The following TAFA2 variants were observed in gnomAD, a reference collection of about 807,000 sequenced individuals.
TAFA2 encodes the protein chemokine-like protein TAFA-2.
TAFA2 carries 7 observed loss-of-function variants against 18.8 expected under a neutral mutation model. That is an observed-to-expected ratio of 0.37 (90% CI 0.21 to 0.70). TAFA2 has a LOEUF of 0.70. Ranked by LOEUF, TAFA2 falls within the 30% of genes least tolerant of loss-of-function variation. The probability of loss-of-function intolerance (pLI) is 0.53; values close to 1 mark genes in which losing one functional copy is unlikely to be tolerated. For synonymous variants in TAFA2, 60 were observed against 54.2 expected (o/e 1.11, Z -0.47); for missense variants, 122 against 158.1 (o/e 0.77, Z 1.23).
chr12:61,835,649 T>A (rs1872890304), intron 2 of TAFA2, among the ~76,000 whole-genome samples: 2 of 152,014 alleles, frequency 1.3e-5, no homozygotes, highest in South Asian at 4.1e-4. Flanking sequence ...TTTGCTTCAA[T>A]GAACAATCAT....
At chr12:62,068,690 T>A (rs1241836858) in intron 1 of TAFA2, among the ~76,000 whole-genome samples, 1 of 152,148 alleles carries the variant, frequency 6.6e-6, no homozygotes, top group Non-Finnish European at 1.5e-5. Flanking sequence ...AAAACCAATT[T>A]AGAAGATTTC....
At chr12:62,154,533 G>T (rs541876968) in intron 1 of TAFA2, among the ~76,000 whole-genome samples, 1 of 152,298 alleles carries the variant, frequency 6.6e-6, no homozygotes, top group Non-Finnish European at 1.5e-5. Context: ...GCCACTAATA[G>T]TGTCTTTGTC....
At chr12:61,817,490 A>G (rs574212561) in intron 2 of TAFA2, among the ~76,000 whole-genome samples, 9 of 152,314 alleles carry the variant, frequency 5.9e-5, no homozygotes, top group African/African-American at 2.2e-4. Flanking sequence ...GCTTTGACTT[A>G]CTGGAAATCT....
intron 1 of TAFA2, among the ~76,000 whole-genome samples, chr12:62,016,198 T>C (rs1218951896): frequency 1.3e-5 from 2 of 152,102 alleles, no homozygotes; most frequent in African/African-American, 2.4e-5. Flanking sequence ...TGCACAAATA[T>C]GGAGAAAAAC....
In TAFA2 at chr12:62,079,654, ACT is replaced by A. The variant is rs568474114; in HGVS notation, c.-2+111603_-2+111604del. On this transcript the variant is annotated intron_variant, in intron 1 of 4. Transcript: ENST00000416284. ...ACTCCAGCCTGGGTGACAGAGCAAG[ACT>A]CTGTCTCAAAAAAAAAAAAAAATTT... is the stretch of plus-strand genomic sequence containing the variant. Among the ~76,000 whole-genome samples the A allele has an allele frequency of 3.0e-3, 455 of 150,100 alleles. 2 individuals carry two copies. Among genetic ancestry groups the A allele is most frequent in the Non-Finnish European group, 3.9e-3 (262 of 67,528 alleles).
intron 2 of TAFA2, among the ~76,000 whole-genome samples, chr12:61,785,533 G>T (rs755609596): frequency 2.6e-4 from 39 of 151,440 alleles, no homozygotes; most frequent in Non-Finnish European, 5.6e-4. Context: ...GCAATGGCCA[G>T]ATTATTTCTA....
chr12:62,051,367 CA>C (rs1417597491), intron 1 of TAFA2, among the ~76,000 whole-genome samples: 7 of 152,082 alleles, frequency 4.6e-5, no homozygotes, highest in Non-Finnish European at 1.0e-4. Context: ...CCTCACTTCA[CA>C]AGTCTATAGA....
At chr12:61,983,574 G>A (rs1346762034) in intron 1 of TAFA2, among the ~76,000 whole-genome samples, 2 of 151,938 alleles carry the variant, frequency 1.3e-5, no homozygotes, top group African/African-American at 4.8e-5. Context: ...CGCCCAGATA[G>A]TTTTTGTATT....
At chr12:62,213,132 C>T (rs551812434) in intron 1 of TAFA2, among the ~76,000 whole-genome samples, 1 of 152,312 alleles carries the variant, frequency 6.6e-6, no homozygotes, top group African/African-American at 2.4e-5. Flanking sequence ...CAGGCAGCTG[C>T]TCATATACCC....
intron 1 of TAFA2, among the ~76,000 whole-genome samples, chr12:61,996,355 C>A (rs1476961234): frequency 6.6e-6 from 1 of 152,136 alleles, no homozygotes; most frequent in Non-Finnish European, 1.5e-5. Context: ...TTTACTCCAA[C>A]CGATGTTTCA....
At chr12:61,886,273 T>C (rs1411986334) in intron 1 of TAFA2, among the ~76,000 whole-genome samples, 1 of 152,166 alleles carries the variant, frequency 6.6e-6, no homozygotes, top group Non-Finnish European at 1.5e-5. Flanking sequence ...TCTAATGTGT[T>C]GCCCCAGTTC....
intron 1 of TAFA2, among the ~76,000 whole-genome samples, chr12:61,887,885 C>T (rs1186447535): frequency 2.0e-5 from 3 of 151,846 alleles, no homozygotes; most frequent in Non-Finnish European, 2.9e-5. Context: ...AATAATACTG[C>T]AATAAACATA....
chr12:62,160,633 T>C (rs2062400229), intron 1 of TAFA2, among the ~76,000 whole-genome samples: 2 of 152,216 alleles, frequency 1.3e-5, no homozygotes, highest in Admixed American at 1.3e-4. Flanking sequence ...CTTCAGCATA[T>C]GACAGACGCT....
intron 1 of TAFA2, among the ~76,000 whole-genome samples, chr12:62,243,770 C>G (rs2062873066): frequency 6.6e-6 from 1 of 152,164 alleles, no homozygotes; most frequent in African/African-American, 2.4e-5. Flanking sequence ...CTTTTTATTC[C>G]TCTTCCAAGC....
chr12:61,723,968 T>C (rs1411373701), intron 4 of TAFA2, among the ~76,000 whole-genome samples: 1 of 152,120 alleles, frequency 6.6e-6, no homozygotes, highest in Non-Finnish European at 1.5e-5. Context: ...ACATCAGATA[T>C]GGTGGTGCAA....
At chr12:62,149,610 A>G (rs1171620051) in intron 1 of TAFA2, among the ~76,000 whole-genome samples, 1 of 149,092 alleles carries the variant, frequency 6.7e-6, no homozygotes, top group Non-Finnish European at 1.5e-5. Flanking sequence ...TATACTCTTG[A>G]CTTATCAAAT....
intron 1 of TAFA2, chr12:61,880,186 C>T: frequency 1.9e-6 from 1 of 528,642 alleles, no homozygotes; most frequent in Non-Finnish European, 3.5e-6. Flanking sequence ...AGTATGAGGA[C>T]CTGCAGATGC....
chr12:62,254,975 G>C (rs1402226206), intron 1 of TAFA2, among the ~76,000 whole-genome samples: 1 of 152,186 alleles, frequency 6.6e-6, no homozygotes, highest in African/African-American at 2.4e-5. Context: ...TATAGCTGCA[G>C]AATCACTGGA....
chr12:61,783,424 C>T (rs1870589523), intron 2 of TAFA2, among the ~76,000 whole-genome samples: 1 of 151,552 alleles, frequency 6.6e-6, no homozygotes, highest in African/African-American at 2.4e-5. Context: ...TTCTTTACCA[C>T]TCGTGTACTT....
Sources: allele counts gnomAD v4.1 joint callset (sites outside exome capture counted in the v4.1 genomes callset), GRCh38; gene constraint gnomAD v4.1.1; transcripts MANE v1.5; gene names NCBI Gene and HGNC (gene_info 2026-07-23, HGNC 2026-07-21).